CALN1: variants seen among roughly 807,000 people sequenced by gnomAD.
The protein encoded by CALN1 is calneuron 1, also known as calcium-binding protein 8.
A neutral mutation model predicts 30.6 loss-of-function variants in CALN1; 17 were observed. The ratio of observed to expected loss-of-function variants is 0.56; its 90% CI spans 0.38 to 0.83. The LOEUF (loss-of-function observed/expected upper bound fraction) is 0.83. Ranked by LOEUF, CALN1 falls within the 40% of genes least tolerant of loss-of-function variation. CALN1 has a pLI of 0.00. For missense variants in CALN1, 291 were observed against 354.9 expected (o/e 0.82, Z 1.45); for synonymous variants, 156 against 131.4 (o/e 1.19, Z -1.28).
At chr7:72,068,142 G>A (rs1804150514) in intron 4 of CALN1, among the ~76,000 whole-genome samples, 1 of 152,104 alleles carries the variant, frequency 6.6e-6, no homozygotes, top group South Asian at 2.1e-4. Context: ...ACAACGATGG[G>A]GCAGGGTGAG....
chr7:71,936,574 G>C (rs1464645145), intron 5 of CALN1, among the ~76,000 whole-genome samples: 2 of 152,056 alleles, frequency 1.3e-5, no homozygotes, highest in African/African-American at 2.4e-5. Flanking sequence ...CCATTTGTCT[G>C]GTATGGGGCT....
At chr7:72,292,522 T>A (rs535645758) in intron 2 of CALN1, among the ~76,000 whole-genome samples, 2 of 150,176 alleles carry the variant, frequency 1.3e-5, no homozygotes, top group South Asian at 4.3e-4. Flanking sequence ...ACATTGGCAA[T>A]AAGAATTTCA....
intron 5 of CALN1, among the ~76,000 whole-genome samples, chr7:71,851,314 CA>C (rs1790632149): frequency 1.3e-5 from 2 of 150,600 alleles, no homozygotes; most frequent in Admixed American, 6.6e-5. Flanking sequence ...TCAGGAGTTC[CA>C]GATCAACCTG....
At chr7:71,814,002 A>G (rs1788117032) in intron 5 of CALN1, among the ~76,000 whole-genome samples, 1 of 151,810 alleles carries the variant, frequency 6.6e-6, no homozygotes, top group Non-Finnish European at 1.5e-5. Context: ...GATAAGCTAC[A>G]CGGGTCCCAG....
chr7:72,048,171 C>T (rs1802602051), intron 4 of CALN1, among the ~76,000 whole-genome samples: 1 of 151,798 alleles, frequency 6.6e-6, no homozygotes, highest in Non-Finnish European at 1.5e-5. Context: ...TCCCAAGTAG[C>T]TGGGAGTACA....
At chr7:71,931,124 G>A (rs1317785016) in intron 5 of CALN1, among the ~76,000 whole-genome samples, 1 of 152,036 alleles carries the variant, frequency 6.6e-6, no homozygotes, top group Admixed American at 6.5e-5. Flanking sequence ...AATAATAGAG[G>A]TTTTTCTTTT....
chr7:72,339,955 A>G (rs1384137062), intron 2 of CALN1, among the ~76,000 whole-genome samples: 1 of 152,102 alleles, frequency 6.6e-6, no homozygotes, highest in Non-Finnish European at 1.5e-5. Context: ...ACCATTCCCT[A>G]TAGTCTATCA....
chr7:71,951,509 T>C lies in CALN1; in HGVS notation c.501+72148A>G, dbSNP rs1226050634. On this transcript the variant is annotated intron_variant, in intron 5 of 6. Transcript: ENST00000395275. ...GGGAGGCTGAGGCAAGAGAATCGCT[T>C]GAACCCAGGAGGCGGAGGTTGCAGT... Among the ~76,000 whole-genome samples, 3 of 152,304 alleles carry C rather than the reference T, an allele frequency of 2.0e-5. No homozygotes were observed. In the East Asian group the frequency reaches 5.8e-4, roughly 29 times the overall value.
chr7:71,798,158 AGAGAGAGAGAGAGAGAG>A (rs1268579724), intron 6 of CALN1, among the ~76,000 whole-genome samples: 1 of 144,944 alleles, frequency 6.9e-6, no homozygotes. Flanking sequence ...AGAGAGAGAG[AGAGAGAGAGAGAGAGAG>A]ATGTTGCTTG....
At chr7:71,799,953 A>G (rs1257888795) in intron 6 of CALN1, among the ~76,000 whole-genome samples, 1 of 152,142 alleles carries the variant, frequency 6.6e-6, no homozygotes, top group East Asian at 1.9e-4. Context: ...ACCCAAGGAG[A>G]AAGGTTTTAT....
upstream of CALN1, among the ~76,000 whole-genome samples, chr7:72,448,584 T>G (rs1808591388): frequency 6.6e-6 from 1 of 152,068 alleles, no homozygotes. Context: ...AGATCTTTCT[T>G]TAGTCAATAT....
the CALN1 span, among the ~76,000 whole-genome samples, chr7:72,493,337 T>A: frequency 6.6e-6 from 1 of 152,040 alleles, no homozygotes; most frequent in South Asian, 2.1e-4. Context: ...TGATCAATTA[T>A]TCTTTTTTTT....
chr7:72,474,125 G>T, the CALN1 span, among the ~76,000 whole-genome samples: 2 of 152,000 alleles, frequency 1.3e-5, no homozygotes, highest in African/African-American at 2.4e-5. Context: ...GAAATCAATT[G>T]CATTTCCACC....
At chr7:72,015,790 C>T (rs1385577719) in intron 5 of CALN1, among the ~76,000 whole-genome samples, 1 of 152,102 alleles carries the variant, frequency 6.6e-6, no homozygotes, top group African/African-American at 2.4e-5. Flanking sequence ...TGCTGCTGGT[C>T]CAGGAACCAC....
chr7:72,320,364 T>A (rs991428779), intron 2 of CALN1, among the ~76,000 whole-genome samples: 3 of 152,010 alleles, frequency 2.0e-5, no homozygotes, highest in African/African-American at 7.2e-5. Flanking sequence ...TGCGGGAGGA[T>A]TCAGGGAGCT....
chr7:72,311,258 A>G (rs945715358), intron 2 of CALN1, among the ~76,000 whole-genome samples: 1 of 152,110 alleles, frequency 6.6e-6, no homozygotes, highest in African/African-American at 2.4e-5. Context: ...TACTAATAAC[A>G]TTTTATTTTA....
In CALN1 at chr7:72,120,920, G is replaced by A. The variant is rs533679802; in HGVS notation, c.245-14626C>T. Among the ~76,000 whole-genome samples the A allele has an allele frequency of 1.8e-4, 27 of 152,070 alleles. 1 individual carries two copies. In the East Asian group the frequency reaches 5.2e-3, roughly 29 times the overall value. On this transcript the variant is annotated intron_variant, in intron 3 of 6. Transcript: ENST00000395275. Reference sequence around the variant, plus strand: ...CACACGAGCATCTGAATCCAGGTGAGGGGACCAGGACTCAGTGAGGGGAAA... The same window carrying A: ...CACACGAGCATCTGAATCCAGGTGAAGGGACCAGGACTCAGTGAGGGGAAA...
rs1015649114 is a variant in CALN1, at chr7:72,260,086, G to A, written c.244+18600C>T. Reference sequence around the variant, plus strand: ...ATCTCTACAAAAAATGTAAAAATTAGCTGAGTGTGATGGCACACACCTGTA... The same window carrying A: ...ATCTCTACAAAAAATGTAAAAATTAACTGAGTGTGATGGCACACACCTGTA... On this transcript the variant is annotated intron_variant, in intron 3 of 6. Transcript: ENST00000395275. Among the ~76,000 whole-genome samples the A allele has an allele frequency of 5.3e-5, 8 of 152,170 alleles. No homozygotes were observed. In the South Asian group the frequency reaches 1.0e-3, roughly 20 times the overall value.
At chr7:72,475,928 TCC>T in the CALN1 span, among the ~76,000 whole-genome samples, 1,926 of 139,014 alleles carry the variant, frequency 0.014, 31 homozygotes, top group African/African-American at 0.051. Context: ...GCTCTCTCTC[TCC>T]CTCTCTCTCT....
Sources: gnomAD v4.1 joint callset for allele counts (sites outside exome capture counted in the v4.1 genomes callset) on GRCh38, gnomAD v4.1.1 for gene constraint, MANE v1.5 for transcripts, NCBI Gene and HGNC (gene_info 2026-07-23, HGNC 2026-07-21) for gene names.